The following PVT1 variants were observed in gnomAD, a reference collection of about 807,000 sequenced individuals.
PVT1 encodes the protein CXCR4/PVT1 fusion.
intron 4 of PVT1, among the ~76,000 whole-genome samples, chr8:128,041,777 A>G (rs1813548841): frequency 6.6e-6 from 1 of 152,086 alleles, no homozygotes; most frequent in African/African-American, 2.4e-5. Flanking sequence ...ATCCCCTATT[A>G]CTAGATGCAG....
chr8:127,959,322 C>G (rs1309262231), intron 3 of PVT1, among the ~76,000 whole-genome samples: 1 of 152,164 alleles, frequency 6.6e-6, no homozygotes, highest in Non-Finnish European at 1.5e-5. Flanking sequence ...CGCGGTGGCT[C>G]ACGCCTGTAA....
At chr8:127,961,697 C>T (rs1281647023) in intron 3 of PVT1, among the ~76,000 whole-genome samples, 1 of 152,208 alleles carries the variant, frequency 6.6e-6, no homozygotes, top group Non-Finnish European at 1.5e-5. Flanking sequence ...CTCCAAACCA[C>T]GGAACAACTT....
chr8:128,060,669 C>T (rs1169285105), intron 4 of PVT1, among the ~76,000 whole-genome samples: 1 of 152,188 alleles, frequency 6.6e-6, no homozygotes, highest in Admixed American at 6.5e-5. Flanking sequence ...ATGCCAAACA[C>T]TTTTGCAGTT....
intron 2 of PVT1, chr8:127,803,429 C>G (rs1814491744): frequency 6.6e-6 from 1 of 151,984 alleles, no homozygotes; most frequent in South Asian, 2.1e-4. Context: ...GCGCCCAGCC[C>G]CAGGCGGAAA....
intron 4 of PVT1, among the ~76,000 whole-genome samples, chr8:128,032,240 A>C (rs979412455): frequency 6.4e-4 from 98 of 152,068 alleles, no homozygotes; most frequent in Non-Finnish European, 3.4e-4. Flanking sequence ...CGCAGCCCAC[A>C]CTGCTGTGCC....
intron 2 of PVT1, among the ~76,000 whole-genome samples, chr8:127,861,514 C>G (rs1159564516): frequency 6.6e-6 from 1 of 152,116 alleles, no homozygotes; most frequent in Non-Finnish European, 1.5e-5. Context: ...AATAGTCACC[C>G]TTAACATCTT....
chr8:127,864,835 A>G (rs1044504758), intron 2 of PVT1, among the ~76,000 whole-genome samples: 2 of 152,196 alleles, frequency 1.3e-5, no homozygotes, highest in Non-Finnish European at 1.5e-5. Flanking sequence ...GGCATGAGTC[A>G]CTGCGCCCAG....
chr8:128,054,900 A>G (rs1563676584), intron 4 of PVT1, among the ~76,000 whole-genome samples: 1 of 152,238 alleles, frequency 6.6e-6, no homozygotes, highest in Non-Finnish European at 1.5e-5. Context: ...CATTTGAATC[A>G]GCAGACGTTG....
chr8:127,830,262 T>C (rs1222223593), intron 2 of PVT1, among the ~76,000 whole-genome samples: 1 of 152,136 alleles, frequency 6.6e-6, no homozygotes, highest in African/African-American at 2.4e-5. Flanking sequence ...GAGGTATGGA[T>C]AGACATTTCT....
chr8:127,900,053 AT>A (rs1815739265), intron 3 of PVT1, among the ~76,000 whole-genome samples: 1 of 151,706 alleles, frequency 6.6e-6, no homozygotes, highest in Non-Finnish European at 1.5e-5. Context: ...TTTATTATTT[AT>A]TTTTTGAGAT....
At chr8:127,883,955 A>T (rs1815497696) in intron 2 of PVT1, among the ~76,000 whole-genome samples, 1 of 152,252 alleles carries the variant, frequency 6.6e-6, no homozygotes, top group Admixed American at 6.5e-5. Context: ...GATGTCTTTG[A>T]CATTCCAGCA....
intron 4 of PVT1, among the ~76,000 whole-genome samples, chr8:127,990,834 C>A (rs1264403483): frequency 6.6e-6 from 1 of 152,212 alleles, no homozygotes; most frequent in East Asian, 1.9e-4. Context: ...TAGGATACTA[C>A]ATACTCCCTA....
intron 3 of PVT1, among the ~76,000 whole-genome samples, chr8:127,969,066 T>A (rs960926040): frequency 6.6e-6 from 1 of 152,188 alleles, no homozygotes; most frequent in African/African-American, 2.4e-5. Flanking sequence ...ACCCTGAGAA[T>A]CTAATACAGA....
chr8:128,079,991 T>C (rs1814155573), intron 5 of PVT1, among the ~76,000 whole-genome samples: 1 of 152,234 alleles, frequency 6.6e-6, no homozygotes, highest in South Asian at 2.1e-4. Flanking sequence ...CCCAAGGATG[T>C]AGCCTTTTCA....
intron 3 of PVT1, among the ~76,000 whole-genome samples, chr8:127,952,105 C>T (rs1409805554): frequency 1.3e-5 from 2 of 152,054 alleles, no homozygotes; most frequent in Non-Finnish European, 2.9e-5. Context: ...TGAGCCACCG[C>T]GCCTGGCCAA....
rs1759183035 is a variant in PVT1, at chr8:128,005,535, T to G, written n.912+16244T>G. On this transcript the variant is annotated intron_variant and non_coding_transcript_variant, in intron 4 of 10. Coordinates refer to ENST00000651587, the Ensembl canonical transcript of PVT1. Reference sequence around the variant, plus strand: ...TTTCCCCTGCTATCTTTTGTACATGTACCTTCTGCTGACTGCAGTGTGTCC... The same window carrying G: ...TTTCCCCTGCTATCTTTTGTACATGGACCTTCTGCTGACTGCAGTGTGTCC... Among the ~76,000 whole-genome samples the G allele has an allele frequency of 3.9e-5, 6 of 152,324 alleles. No homozygotes were observed. In the South Asian group the frequency reaches 1.2e-3, roughly 32 times the overall value.
chr8:127,862,018 A>T (rs1249853280), intron 2 of PVT1, among the ~76,000 whole-genome samples: 2 of 152,162 alleles, frequency 1.3e-5, no homozygotes, highest in Admixed American at 6.6e-5. Context: ...GGAGTATTTA[A>T]CCAGTCACCA....
At chr8:128,095,635 G>A (rs1338390250) in intron 5 of PVT1, among the ~76,000 whole-genome samples, 3 of 152,184 alleles carry the variant, frequency 2.0e-5, no homozygotes, top group East Asian at 1.9e-4. Flanking sequence ...GAGTGGAATC[G>A]TGAGACAGAC....
At chr8:127,971,158 G>A (rs190053732) in intron 3 of PVT1, among the ~76,000 whole-genome samples, 73 of 152,338 alleles carry the variant, frequency 4.8e-4, no homozygotes, top group Non-Finnish European at 9.3e-4. Flanking sequence ...CTAACTAGTC[G>A]GAGCTATTTT....
Sources: gnomAD v4.1 joint callset for allele counts (sites outside exome capture counted in the v4.1 genomes callset) on GRCh38, gnomAD v4.1.1 for gene constraint, MANE v1.5 for transcripts, NCBI Gene and HGNC (gene_info 2026-07-23, HGNC 2026-07-21) for gene names.